The following GRIK4 variants were observed in gnomAD, a reference collection of about 807,000 sequenced individuals.
GRIK4 encodes the protein glutamate ionotropic receptor kainate type subunit 4.
A neutral mutation model predicts 104.9 loss-of-function variants in GRIK4; 40 were observed. The ratio of observed to expected loss-of-function variants is 0.38; its 90% confidence interval spans 0.30 to 0.50. GRIK4 has a LOEUF of 0.50. GRIK4 is among the 20% of genes least tolerant of loss of function. The pLI is 0.93. For synonymous variants in GRIK4, 485 were observed against 524.9 expected, an observed-to-expected ratio of 0.92 and a Z score of 1.04; for missense variants, 1,047 against 1,308.1, an observed-to-expected ratio of 0.80 and a Z score of 3.08.
At chr11:120,646,249 T>C (rs1949541217) in intron 1 of GRIK4, among the ~76,000 whole-genome samples, 1 of 152,248 alleles carries the variant, frequency 6.6e-6, no homozygotes, top group Admixed American at 6.5e-5. Context: ...ACTGCTAAGA[T>C]CGCAGCTAAT....
At chr11:120,822,143 G>C (rs993380428) in intron 6 of GRIK4, among the ~76,000 whole-genome samples, 2 of 150,048 alleles carry the variant, frequency 1.3e-5, no homozygotes, top group East Asian at 3.9e-4. Context: ...CCCTGGAGGT[G>C]GAGGTTGCAG....
chr11:120,765,107 T>C (rs1951811551), intron 3 of GRIK4, among the ~76,000 whole-genome samples: 1 of 152,088 alleles, frequency 6.6e-6, no homozygotes, highest in South Asian at 2.1e-4. Context: ...CAAACGTAGG[T>C]TTTGTCTTTT....
At chr11:120,590,286 C>T (rs1948718939) in intron 1 of GRIK4, among the ~76,000 whole-genome samples, 1 of 152,196 alleles carries the variant, frequency 6.6e-6, no homozygotes, top group African/African-American at 2.4e-5. Flanking sequence ...CAGGAGGCCT[C>T]CACCTGCAGG....
chr11:120,534,544 A>G lies in GRIK4; in HGVS notation c.-159+22657A>G, dbSNP rs141431567. 6.3e-3 allele frequency among the ~76,000 whole-genome samples: 960 copies of G among 152,248 alleles called. 7 individuals are homozygous for G. Among genetic ancestry groups the G allele is most frequent in the African/African-American group, 0.022 (908 of 41,540 alleles). On this transcript the variant is annotated intron_variant, in intron 1 of 20. Coordinates refer to ENST00000527524, the MANE Select transcript of GRIK4 (RefSeq NM_014619.5). ...GCCTGAGTCCACAAAAGAGATCAGG[A>G]GAAACAGCCACGGGTAGCACAGCCA...
At chr11:120,840,401 T>A (rs1953683783) in intron 8 of GRIK4, among the ~76,000 whole-genome samples, 1 of 152,184 alleles carries the variant, frequency 6.6e-6, no homozygotes, top group African/African-American at 2.4e-5. Context: ...ATGCCCCTGC[T>A]TCTGGTTCTA....
chr11:120,778,730 A>C (rs959773172), intron 3 of GRIK4, among the ~76,000 whole-genome samples: 1 of 152,202 alleles, frequency 6.6e-6, no homozygotes, highest in Admixed American at 6.5e-5. Flanking sequence ...ATTTGCAGCC[A>C]AGTTCATTAC....
rs1028478264 is a variant in GRIK4, at chr11:120,903,145, A to G, written c.1273-2145A>G. Among the ~76,000 whole-genome samples, 2 of 151,886 alleles carry G rather than the reference A, an allele frequency of 1.3e-5. No homozygotes were observed. The highest frequency in any genetic ancestry group is 4.8e-5 in the African/African-American group (2 of 41,332). On this transcript the variant is annotated intron_variant, in intron 12 of 20. Transcript: ENST00000527524. The surrounding 1 kb of genome is among the most constrained non-coding windows in gnomAD (Gnocchi z 4.4). ...TCCTCTCTGGGCTCCTAGAATCGTGATGTGCAGGTTTCTCCATGCACACCT... is the reference window on the plus strand; with the variant it reads ...TCCTCTCTGGGCTCCTAGAATCGTGGTGTGCAGGTTTCTCCATGCACACCT...
intron 20 of GRIK4, 58 bp downstream of exon 20, chr11:120,982,282 C>G (rs1944665768): frequency 1.1e-6 from 1 of 906,068 alleles, no homozygotes; most frequent in Non-Finnish European, 1.9e-6. Flanking sequence ...AGTTCACAGG[C>G]TCATGCACAT....
intron 3 of GRIK4, among the ~76,000 whole-genome samples, chr11:120,681,836 C>T (rs1357901190): frequency 1.3e-5 from 2 of 152,190 alleles, no homozygotes; most frequent in African/African-American, 2.4e-5. Context: ...TGTCTGTAGC[C>T]GAGGGTCCCC....
intron 11 of GRIK4, among the ~76,000 whole-genome samples, chr11:120,896,180 T>C (rs1942575545): frequency 6.6e-6 from 1 of 152,156 alleles, no homozygotes; most frequent in South Asian, 2.1e-4. Flanking sequence ...CATGTGCAAT[T>C]GAATGGTGGA....
intron 1 of GRIK4, among the ~76,000 whole-genome samples, chr11:120,528,878 T>C (rs1947892687): frequency 6.6e-6 from 1 of 151,896 alleles, no homozygotes; most frequent in Non-Finnish European, 1.5e-5. Context: ...ACTGTGGGAG[T>C]TGCAATTCAA....
chr11:120,530,792 G>T (rs1326166731), intron 1 of GRIK4, among the ~76,000 whole-genome samples: 1 of 152,192 alleles, frequency 6.6e-6, no homozygotes, highest in Non-Finnish European at 1.5e-5. Flanking sequence ...TGGCCCTGGG[G>T]TGTGGAGGGG....
At chr11:120,877,402 A>G (rs1420467882) in intron 11 of GRIK4, among the ~76,000 whole-genome samples, 11 of 152,162 alleles carry the variant, frequency 7.2e-5, no homozygotes, top group African/African-American at 2.7e-4. Flanking sequence ...GAAAACCGTA[A>G]GTGCAAATGT....
chr11:120,894,980 G>T (rs1388536718), intron 11 of GRIK4, among the ~76,000 whole-genome samples: 1 of 142,100 alleles, frequency 7.0e-6, no homozygotes, highest in Non-Finnish European at 1.5e-5. Context: ...ATTTCTTGGG[G>T]GCTAATGGGA....
Position 120,855,832 on chromosome 11 carries a change from G to A in GRIK4, c.745-6127G>A, listed in dbSNP as rs563108501. 2.6e-5 allele frequency among the ~76,000 whole-genome samples: 4 copies of A among 152,336 alleles called. No individual in the cohort carries two copies. The East Asian group carries it at 5.8e-4, about 22-fold the overall frequency. ...CCGGCCTTGGCCTCGCAAAATGCTGGGATTATAGGCGTGAGCCACCGCGCC... is the reference window on the plus strand; with the variant it reads ...CCGGCCTTGGCCTCGCAAAATGCTGAGATTATAGGCGTGAGCCACCGCGCC... On this transcript the variant is annotated intron_variant, in intron 8 of 20. Transcript: ENST00000527524.
rs77028335 is a variant in GRIK4 at position 120,604,198 on chromosome 11, G to T, written c.-158-49487G>T. ...AAAAAAAAAAAAAAAAAAAAAAAAA[G>T]AATGATCTGCCCCCCTTCGTTTGGA... On this transcript the variant is annotated intron_variant, in intron 1 of 20. Transcript: ENST00000527524. 9.0e-4 allele frequency among the ~76,000 whole-genome samples: 74 copies of T among 82,610 alleles called. 1 individual carries two copies. Among genetic ancestry groups the T allele is most frequent in the African/African-American group, 3.0e-3 (64 of 21,076 alleles). The allele number at this position is 82,610 out of a possible 152,430, so 54.2% of individuals were successfully genotyped here.
chr11:120,902,693 T>C lies in GRIK4; in HGVS notation c.1273-2597T>C, dbSNP rs1397268537. Among the ~76,000 whole-genome samples the C allele has an allele frequency of 6.6e-6, 1 of 151,966 alleles. No homozygotes were observed. Among genetic ancestry groups the C allele is most frequent in the Non-Finnish European group, 1.5e-5 (1 of 67,986 alleles). The stretch of plus-strand genomic sequence containing the variant: ...AGAGCAGGCGCAAATCGGAAAACAT[T>C]GGAGGGTGATTGTGTGGGCCCTGGC... On this transcript the variant is annotated intron_variant, in intron 12 of 20. Coordinates refer to ENST00000527524, the MANE Select transcript of GRIK4 (RefSeq NM_014619.5). The surrounding 1 kb of genome is among the most constrained non-coding windows in gnomAD (Gnocchi z 4.5).
intron 3 of GRIK4, among the ~76,000 whole-genome samples, chr11:120,684,407 TATTC>T (rs1310085598): frequency 6.6e-6 from 1 of 152,226 alleles, no homozygotes; most frequent in Non-Finnish European, 1.5e-5. Context: ...CCCATTCAGT[TATTC>T]ATAGTATGGC....
intron 1 of GRIK4, among the ~76,000 whole-genome samples, chr11:120,557,812 C>T (rs368926854): frequency 6.6e-6 from 1 of 151,308 alleles, no homozygotes; most frequent in Non-Finnish European, 1.5e-5. Flanking sequence ...GTCAGGAGAT[C>T]GAGACCAGCT....
Sources: allele counts gnomAD v4.1 joint callset (sites outside exome capture counted in the v4.1 genomes callset), GRCh38; gene constraint gnomAD v4.1.1; non-coding constraint Gnocchi (gnomAD v3.1); transcripts MANE v1.5; gene names NCBI Gene and HGNC (gene_info 2026-07-23, HGNC 2026-07-21).